Variants in MYO15A observed in about 807,000 individuals in gnomAD.
MYO15A encodes the protein unconventional myosin-XV.
Under a neutral mutation model 394.6 loss-of-function variants are expected in MYO15A, and 308 were observed. That is an observed-to-expected ratio of 0.78 (90% CI 0.71 to 0.86). The LOEUF (loss-of-function observed/expected upper bound fraction) is 0.86, where lower values mean the gene tolerates loss of function less well. Ranked by LOEUF, MYO15A falls within the 40% of genes least tolerant of loss-of-function variation. The pLI is 0.00. For synonymous variants in MYO15A, 1,957 were observed against 2,003.8 expected (o/e 0.98, Z 0.62); for missense variants, 4,606 against 4,799.1 (o/e 0.96, Z 1.19).
At position 18,118,697 on chromosome 17, in the gene MYO15A, G is replaced by A; in HGVS notation, c.-104G>A. The A allele has an allele frequency of 6.4e-7, 1 of 1,568,572 alleles. No individual in the cohort carries two copies. Among genetic ancestry groups the A allele is most frequent in the Non-Finnish European group, 8.7e-7 (1 of 1,155,454 alleles). ...TCGGGTCTGCTCACAGCCCGAGGAG[G>A]CCGCGTGTCCAGCCGCGGGCAAGAG... On this transcript the variant is annotated 5_prime_UTR_variant, in exon 2 of 66. Coordinates refer to ENST00000647165, the MANE Select transcript of MYO15A (RefSeq NM_016239.4).
chr17:18,120,414 C>A lies in MYO15A; in HGVS notation c.1614C>A (p.Arg538=). 1 of 1,603,042 alleles carries A rather than the reference C, an allele frequency of 6.2e-7. No individual in the cohort carries two copies. Among genetic ancestry groups the A allele is most frequent in the Non-Finnish European group, 8.5e-7 (1 of 1,176,302 alleles). Residue 538 remains arginine, a synonymous_variant, in exon 2 of 66, where the codon CGC becomes CGA. Coordinates refer to ENST00000647165, the MANE Select transcript of MYO15A (RefSeq NM_016239.4). ...CTTTCTGGGGCTTCCTCACGCCGCG[C>A]CAGCGCAACCTCCAGCGCGCGCTGT... ...GHPFWGFLTP[R]QRNLQRALSA... is the part of the protein sequence containing the mutation.
intron 18 of MYO15A, 94 bp from the exon 19 acceptor site, chr17:18,139,440 G>A (rs1259550082): frequency 5.8e-6 from 8 of 1,384,582 alleles, no homozygotes; most frequent in Non-Finnish European, 8.0e-6. Context: ...GGCTGGAGGG[G>A]TGGGGACCAT....
At position 18,155,340 on chromosome 17, in the gene MYO15A, CCTAG is replaced by C. The variant is rs2046657998; in HGVS notation, c.8370_8373del (p.Ala2791CysfsTer9). ...GCAGCGTGGGCACTGGTGTGCAGCTCCTAGCTGTGTCCCACGTGGGCATCAAACT... is the reference window on the plus strand; with the variant it reads ...GCAGCGTGGGCACTGGTGTGCAGCTCCTGTGTCCCACGTGGGCATCAAACT... On this transcript the variant is annotated frameshift_variant, in exon 47 of 66. Coordinates refer to ENST00000647165, the MANE Select transcript of MYO15A (RefSeq NM_016239.4). LOFTEE classifies it high-confidence loss of function. 6.2e-7 allele frequency: 1 copy of C among 1,613,714 alleles called. No individual in the cohort carries two copies. Among genetic ancestry groups the C allele is most frequent in the Non-Finnish European group, 8.5e-7 (1 of 1,180,052 alleles).
rs2046202135 is a variant in MYO15A, at chr17:18,133,301, G to A, written c.4397G>A (p.Gly1466Asp). The A allele has an allele frequency of 1.2e-6, 2 of 1,614,038 alleles. No individual in the cohort carries two copies. The highest frequency in any genetic ancestry group is 2.2e-5 in the South Asian group (2 of 91,084). The part of the protein sequence containing the change: ...RRLLAAMEVL[G>D]FSSEDQDSIF... ...CTCCTGGCTGCCATGGAGGTGTTGG[G>A]CTTCAGCAGTGAGGACCAGGACAGC... Residue 1466 changes from glycine (G) to aspartate (D), a missense_variant, in exon 12 of 66, where the codon GGC becomes GAC. By Grantham distance (94) the Gly-to-Asp change is moderately conservative. Around this residue, in one of 2 missense-constraint regions of MYO15A, gnomAD observed 2,776 missense variants for 3,109.3 expected, o/e 0.89. Transcript: ENST00000647165.
rs1455498987 is a variant in MYO15A at position 18,157,849 on chromosome 17, C to T, written c.8916C>T (p.Ala2972=). The T allele has an allele frequency of 6.5e-6, 9 of 1,381,980 alleles. No homozygotes were observed. The African/African-American group carries it at 8.9e-5, about 14-fold the overall frequency. The allele number at this position is 1,381,980 out of a possible 1,614,324, so 85.6% of individuals were successfully genotyped here. A position where few individuals can be genotyped will look rare whatever the true frequency, so the allele number is the denominator to read the frequency against. Residue 2972 remains alanine, a synonymous_variant, in exon 51 of 66, where the codon GCC becomes GCT. Coordinates refer to ENST00000647165, the MANE Select transcript of MYO15A (RefSeq NM_016239.4). ...GCCGCGGCCGAGCAGCCGCCGTGGC[C>T]GCTGCTGTGGCCTCTGCAGCCGCTG... The part of the protein sequence containing the change: ...EPGRGRAAAV[A]AAVASAAAAQ...
At position 18,150,793 on chromosome 17, in the gene MYO15A, T is replaced by G. The variant is rs1169280355; in HGVS notation, c.7395+28T>G. 1.9e-6 allele frequency: 3 copies of G among 1,579,716 alleles called. No individual in the cohort carries two copies. Among genetic ancestry groups the G allele is most frequent in the South Asian group, 2.3e-5 (2 of 86,820 alleles). On this transcript the variant is annotated intron_variant, in intron 37 of 65. Coordinates refer to ENST00000647165, the MANE Select transcript of MYO15A (RefSeq NM_016239.4). This position sits in a 1 kb window ranked among gnomAD's most constrained non-coding sequence, Gnocchi z 4.4. ...GAGTGAGGGAGGGACTGCTGGGGGG[T>G]GGAGAATGGACCTGCCTGGTCACCA...
chr17:18,113,385 C>T (rs2045745468), intron 1 of MYO15A, among the ~76,000 whole-genome samples: 1 of 152,184 alleles, frequency 6.6e-6, no homozygotes, highest in Admixed American at 6.5e-5. Flanking sequence ...GGGCTCCTCC[C>T]ATCTCAGCTT....
intron 12 of MYO15A, among the ~76,000 whole-genome samples, chr17:18,133,705 C>T (rs2046211485): frequency 6.6e-6 from 1 of 151,960 alleles, no homozygotes; most frequent in Non-Finnish European, 1.5e-5. Flanking sequence ...TGCAATGGCG[C>T]AGTCTTGGCT....
Position 18,150,378 on chromosome 17 carries a change from C to G in MYO15A, c.7213-51C>G. ...GTGTCAGGTGCCTGTTGCCATGGAA[C>G]CTTGGGAGTACAATAATGAGATGGT... On this transcript the variant is annotated intron_variant, in intron 35 of 65. Transcript: ENST00000647165. The surrounding 1 kb of genome is among the most constrained non-coding windows in gnomAD (Gnocchi z 4.4). 2 of 1,554,446 alleles carry G rather than the reference C, an allele frequency of 1.3e-6. No homozygotes were observed. The highest frequency in any genetic ancestry group is 2.2e-5 in the South Asian group (2 of 89,642).
Position 18,158,448 on chromosome 17 carries a change from G to A in MYO15A, c.8968-75G>A, listed in dbSNP as rs2046721726. ...ATCTGGGTCCAGTCAGCTAGGGGTT[G>A]CGTTGTCAGTTTTGACCGAAGGGCT... On this transcript the variant is annotated intron_variant, in intron 51 of 65. Coordinates refer to ENST00000647165, the MANE Select transcript of MYO15A (RefSeq NM_016239.4). The A allele has an allele frequency of 7.6e-6, 10 of 1,323,192 alleles. No individual in the cohort carries two copies. In the Admixed American group the frequency reaches 1.6e-4, roughly 21 times the overall value. 82.0% of individuals were successfully genotyped at this position (1,323,192 alleles called of 1,614,324 possible). A position where few individuals can be genotyped will look rare whatever the true frequency, so the allele number is the denominator to read the frequency against.
chr17:18,139,457 G>A, intron 18 of MYO15A, 77 bp from the exon 19 acceptor site: 2 of 1,441,824 alleles, frequency 1.4e-6, no homozygotes, highest in South Asian at 2.4e-5. Context: ...CCATAGAAGT[G>A]AGGAGGATCC....
chr17:18,161,697 T>C (rs2046780183), intron 57 of MYO15A, among the ~76,000 whole-genome samples: 1 of 152,136 alleles, frequency 6.6e-6, no homozygotes, highest in African/African-American at 2.4e-5. Context: ...GTAGGAGGGA[T>C]TTCCAGGTGG....
Position 18,118,958 on chromosome 17 carries a change from T to G in MYO15A, c.158T>G (p.Phe53Cys), listed in dbSNP as rs2045838609. The change falls in exon 2 of 66, where the codon TTC becomes TGC. Residue 53 changes from phenylalanine (F) to cysteine (C), a missense_variant. Coordinates refer to ENST00000647165, the MANE Select transcript of MYO15A (RefSeq NM_016239.4). The part of the protein sequence containing the change: ...RTPKISKKGQ[F>C]RSASAFFWGL... Reference sequence around the variant, plus strand: ...CCCAAGATCTCCAAGAAGGGCCAGTTCCGCAGCGCCTCGGCCTTCTTCTGG... The same window carrying G: ...CCCAAGATCTCCAAGAAGGGCCAGTGCCGCAGCGCCTCGGCCTTCTTCTGG... 6.2e-7 allele frequency: 1 copy of G among 1,613,174 alleles called. No homozygotes were observed. Among genetic ancestry groups the G allele is most frequent in the Non-Finnish European group, 8.5e-7 (1 of 1,179,996 alleles).
intron 1 of MYO15A, among the ~76,000 whole-genome samples, chr17:18,115,381 G>A (rs899657688): frequency 1.3e-5 from 2 of 152,194 alleles, no homozygotes; most frequent in Admixed American, 6.5e-5. Context: ...CACTTTGGGA[G>A]GTCGAGGCAG....
intron 64 of MYO15A, chr17:18,172,527 C>G: frequency 1.6e-6 from 1 of 616,190 alleles, no homozygotes; most frequent in Non-Finnish European, 2.9e-6. Flanking sequence ...AAAACATACT[C>G]TATGCACTCA....
intron 64 of MYO15A, chr17:18,172,715 T>C (rs971334854): frequency 5.9e-6 from 2 of 336,448 alleles, no homozygotes; most frequent in Non-Finnish European, 1.2e-5. Flanking sequence ...TCACATGGCC[T>C]TTCCTCTGTG....
rs756443324 is a variant in MYO15A, at chr17:18,142,737, C to T, written c.5826-19C>T. On this transcript the variant is annotated intron_variant, in intron 24 of 65. Transcript: ENST00000647165. Reference sequence around the variant, plus strand: ...ACCCTGTGGCCCCAATCCCTGACCTCCCCACTACCCCAACCCAGGCAACGC... The same window carrying T: ...ACCCTGTGGCCCCAATCCCTGACCTTCCCACTACCCCAACCCAGGCAACGC... 6 of 1,610,906 alleles carry T rather than the reference C, an allele frequency of 3.7e-6. No homozygotes were observed. The Admixed American group carries it at 1.0e-4, about 27-fold the overall frequency.
chr17:18,165,623 A>G (rs1192366676), intron 60 of MYO15A, among the ~76,000 whole-genome samples: 1 of 152,160 alleles, frequency 6.6e-6, no homozygotes, highest in East Asian at 1.9e-4. Flanking sequence ...ACTTAATCAC[A>G]TGTGCAGAGT....
rs1035374130 is a variant in MYO15A at position 18,157,843 on chromosome 17, C to T, written c.8910C>T (p.Ala2970=). 3.0e-6 allele frequency: 4 copies of T among 1,345,694 alleles called. No individual in the cohort carries two copies. Among genetic ancestry groups the T allele is most frequent in the Non-Finnish European group, 3.9e-6 (4 of 1,021,958 alleles). The allele number at this position is 1,345,694 out of a possible 1,614,324, so 83.4% of individuals were successfully genotyped here. A position where few individuals can be genotyped will look rare whatever the true frequency, so the allele number is the denominator to read the frequency against. ...AGCCAGGCCGCGGCCGAGCAGCCGC[C>T]GTGGCCGCTGCTGTGGCCTCTGCAG... ...PTEPGRGRAA[A]VAAAVASAAA... is the part of the protein sequence containing the mutation. The change falls in exon 51 of 66, where the codon GCC becomes GCT. Residue 2970 remains alanine, a synonymous_variant. Transcript: ENST00000647165.
Sources: allele counts gnomAD v4.1 joint callset (sites outside exome capture counted in the v4.1 genomes callset), GRCh38; gene constraint gnomAD v4.1.1; regional missense constraint gnomAD v4.1.1; non-coding constraint Gnocchi (gnomAD v3.1); transcripts MANE v1.5; gene names NCBI Gene and HGNC (gene_info 2026-07-23, HGNC 2026-07-21).